CFAP299: variants seen among roughly 807,000 people sequenced by gnomAD.
CFAP299 encodes the protein cilia- and flagella-associated protein 299.
Under a neutral mutation model 27.0 loss-of-function variants are expected in CFAP299, and 21 were observed. That is an observed-to-expected ratio of 0.78 (90% confidence interval 0.55 to 1.12). CFAP299 has a LOEUF of 1.12. Among genes scored for constraint, CFAP299 ranks in the 50% most tolerant of loss-of-function variants. The pLI, the probability that CFAP299 is intolerant of heterozygous loss-of-function variation, is 0.00. For missense variants in CFAP299, 310 were observed against 276.6 expected, an observed-to-expected ratio of 1.12 and a Z score of -0.86; for synonymous variants, 104 against 98.1, an observed-to-expected ratio of 1.06 and a Z score of -0.36.
chr4:80,948,513 T>C (rs1737590308), intron 5 of CFAP299, among the ~76,000 whole-genome samples: 1 of 152,112 alleles, frequency 6.6e-6, no homozygotes, highest in Non-Finnish European at 1.5e-5. Context: ...CTGTCCAATA[T>C]ATTATTTGGA....
chr4:80,604,900 A>AAAAC (rs1737570925), intron 3 of CFAP299, among the ~76,000 whole-genome samples: 1 of 151,636 alleles, frequency 6.6e-6, no homozygotes, highest in Non-Finnish European at 1.5e-5. Context: ...CAGAAAAAAA[A>AAAAC]AAAACATGTA....
At chr4:80,698,002 C>T (rs1721220920) in intron 3 of CFAP299, among the ~76,000 whole-genome samples, 1 of 152,098 alleles carries the variant, frequency 6.6e-6, no homozygotes, top group African/African-American at 2.4e-5. Flanking sequence ...AAAGCCCAAG[C>T]CAATATGTTT....
intron 2 of CFAP299, among the ~76,000 whole-genome samples, chr4:80,580,724 T>C (rs1736119471): frequency 6.6e-6 from 1 of 152,066 alleles, no homozygotes; most frequent in Non-Finnish European, 1.5e-5. Context: ...TGAGCTACTG[T>C]TCACAAATAT....
At chr4:80,759,929 T>C (rs886675812) in intron 3 of CFAP299, among the ~76,000 whole-genome samples, 8 of 152,180 alleles carry the variant, frequency 5.3e-5, no homozygotes, top group Non-Finnish European at 7.3e-5. Flanking sequence ...TTTGGTATTA[T>C]GTTATACAGA....
At chr4:80,379,510 C>G (rs1171046652) in intron 2 of CFAP299, among the ~76,000 whole-genome samples, 2 of 151,822 alleles carry the variant, frequency 1.3e-5, no homozygotes, top group Non-Finnish European at 2.9e-5. Flanking sequence ...AACTATTCTT[C>G]TGCTATATAA....
intron 5 of CFAP299, among the ~76,000 whole-genome samples, chr4:80,963,081 C>G (rs906207378): frequency 6.6e-6 from 1 of 151,848 alleles, no homozygotes; most frequent in Admixed American, 6.6e-5. Context: ...TATGTAAAAC[C>G]CACCATGGAC....
chr4:80,868,784 T>C (rs1732895906), intron 3 of CFAP299, among the ~76,000 whole-genome samples: 1 of 151,810 alleles, frequency 6.6e-6, no homozygotes, highest in African/African-American at 2.4e-5. Context: ...TCACAATATC[T>C]AGTCTGCCAT....
chr4:80,666,476 G>A (rs953055953), intron 3 of CFAP299, among the ~76,000 whole-genome samples: 2 of 151,432 alleles, frequency 1.3e-5, no homozygotes, highest in African/African-American at 4.9e-5. Flanking sequence ...CCTGATCCCA[G>A]CCCGTGTATC....
At chr4:80,614,828 A>T (rs1327522006) in intron 3 of CFAP299, among the ~76,000 whole-genome samples, 1 of 152,200 alleles carries the variant, frequency 6.6e-6, no homozygotes, top group East Asian at 1.9e-4. Context: ...TGAAGTTGAA[A>T]TGTTTTGAAA....
chr4:80,343,799 TAAA>T (rs35187249), intron 1 of CFAP299, among the ~76,000 whole-genome samples: 4,434 of 75,178 alleles, frequency 0.059, 109 homozygotes, highest in Middle Eastern at 0.12. Context: ...AGACTCCGTC[TAAA>T]AAAAAAAAAA....
chr4:80,731,558 C>A (rs148464736), intron 3 of CFAP299, among the ~76,000 whole-genome samples: 335 of 152,192 alleles, frequency 2.2e-3, no homozygotes, highest in African/African-American at 7.6e-3. Flanking sequence ...TCACTTAATC[C>A]CCTTATCACT....
chr4:80,644,873 A>T (rs1381810501), intron 3 of CFAP299, among the ~76,000 whole-genome samples: 3 of 152,292 alleles, frequency 2.0e-5, no homozygotes, highest in East Asian at 3.9e-4. Flanking sequence ...TAGCAAAAAT[A>T]TGAGCAGAAA....
intron 2 of CFAP299, 112 bp downstream of exon 2, chr4:80,362,996 T>A: frequency 8.2e-7 from 1 of 1,219,712 alleles, no homozygotes; most frequent in Non-Finnish European, 1.1e-6. Flanking sequence ...CAGGTAAAAC[T>A]TGGAATATCC....
intron 3 of CFAP299, among the ~76,000 whole-genome samples, chr4:80,725,972 C>A (rs549884012): frequency 1.3e-5 from 2 of 152,154 alleles, no homozygotes; most frequent in South Asian, 4.1e-4. Context: ...GCTACATGCA[C>A]CTGGTGCTTC....
intron 3 of CFAP299, among the ~76,000 whole-genome samples, chr4:80,799,677 A>AT (rs1728202390): frequency 2.6e-5 from 1 of 39,162 alleles, no homozygotes; most frequent in African/African-American, 1.2e-4. Flanking sequence ...ATAAATATAT[A>AT]TTTATAAATA....
chr4:80,751,217 G>A (rs1248778662), intron 3 of CFAP299, among the ~76,000 whole-genome samples: 1 of 152,066 alleles, frequency 6.6e-6, no homozygotes, highest in Admixed American at 6.5e-5. Context: ...CTCTCTCCCA[G>A]GGCCTACTGA....
At chr4:80,874,116 A>C (rs1733250972) in intron 4 of CFAP299, among the ~76,000 whole-genome samples, 2 of 152,230 alleles carry the variant, frequency 1.3e-5, no homozygotes, top group African/African-American at 4.8e-5. Context: ...AAAGGAAAAA[A>C]TAAAGCAGTA....
At chr4:80,390,848 T>C (rs983391549) in intron 2 of CFAP299, among the ~76,000 whole-genome samples, 3 of 135,706 alleles carry the variant, frequency 2.2e-5, no homozygotes, top group African/African-American at 7.9e-5. Context: ...TATATACACA[T>C]ATATGTATAT....
At chr4:80,650,201 T>C (rs1367145155) in intron 3 of CFAP299, among the ~76,000 whole-genome samples, 1 of 152,080 alleles carries the variant, frequency 6.6e-6, no homozygotes, top group Non-Finnish European at 1.5e-5. Flanking sequence ...GAAATTATAC[T>C]TTTTGTGCAT....
Sources: gnomAD v4.1 joint callset for allele counts (sites outside exome capture counted in the v4.1 genomes callset) on GRCh38, gnomAD v4.1.1 for gene constraint, MANE v1.5 for transcripts, NCBI Gene and HGNC (gene_info 2026-07-23, HGNC 2026-07-21) for gene names.